The following MTHFD1L variants were observed in gnomAD, a reference collection of about 807,000 sequenced individuals.
The protein encoded by MTHFD1L is methylenetetrahydrofolate dehydrogenase (NADP+ dependent) 1 like, also known as monofunctional C1-tetrahydrofolate synthase, mitochondrial.
MTHFD1L carries 81 observed loss-of-function variants against 119.5 expected under a neutral mutation model. The observed-to-expected ratio is 0.68, with a 90% CI of 0.57 to 0.82. The LOEUF (loss-of-function observed/expected upper bound fraction) is 0.82. Among genes scored for constraint, MTHFD1L ranks in the 40% least tolerant of loss-of-function variants. MTHFD1L has a pLI of 0.00. For missense variants in MTHFD1L, 1,125 were observed against 1,253.4 expected, an observed-to-expected ratio of 0.90 and a Z score of 1.55; for synonymous variants, 430 against 475.2, an observed-to-expected ratio of 0.90 and a Z score of 1.24.
chr6:151,023,861 C>T (rs1192863873), intron 24 of MTHFD1L, among the ~76,000 whole-genome samples: 2 of 152,198 alleles, frequency 1.3e-5, no homozygotes, highest in Non-Finnish European at 2.9e-5. Flanking sequence ...CACTCCATCC[C>T]TCCCCAGGCT....
At chr6:150,883,735 G>A (rs774043803) in intron 5 of MTHFD1L, among the ~76,000 whole-genome samples, 24 of 152,292 alleles carry the variant, frequency 1.6e-4, no homozygotes, top group Middle Eastern at 3.4e-3. Flanking sequence ...GATACCGGCC[G>A]TCTCCAGTGG....
chr6:150,971,211 AT>A (rs35370237), intron 19 of MTHFD1L, among the ~76,000 whole-genome samples: 1 of 151,616 alleles, frequency 6.6e-6, no homozygotes, highest in Non-Finnish European at 1.5e-5. Context: ...TATTTTTTTC[AT>A]TTTTGAGTCA....
chr6:151,059,765 C>G (rs1189649277), intron 26 of MTHFD1L, among the ~76,000 whole-genome samples: 1 of 152,192 alleles, frequency 6.6e-6, no homozygotes, highest in Admixed American at 6.5e-5. Context: ...TGGCTGTGCT[C>G]TCTGCACGGT....
At chr6:150,966,963 G>T (rs879294673) in intron 19 of MTHFD1L, among the ~76,000 whole-genome samples, 1 of 152,218 alleles carries the variant, frequency 6.6e-6, no homozygotes, top group Non-Finnish European at 1.5e-5. Context: ...CGGGGGAGGG[G>T]TGCAGGATGC....
chr6:150,895,703 T>C (rs184490899), intron 7 of MTHFD1L, among the ~76,000 whole-genome samples: 1 of 151,948 alleles, frequency 6.6e-6, no homozygotes, highest in Admixed American at 6.6e-5. Context: ...TGAAAGACTT[T>C]TAAAAGTGAA....
intron 26 of MTHFD1L, among the ~76,000 whole-genome samples, chr6:151,079,907 G>T (rs1024884669): frequency 1.3e-5 from 2 of 149,704 alleles, no homozygotes; most frequent in Non-Finnish European, 3.0e-5. Context: ...AGGCGTGGTG[G>T]CTCACACCTG....
At chr6:151,004,430 C>G (rs1198170554) in intron 20 of MTHFD1L, among the ~76,000 whole-genome samples, 2 of 152,166 alleles carry the variant, frequency 1.3e-5, no homozygotes, top group Non-Finnish European at 2.9e-5. Context: ...AATCGTCTCT[C>G]CCTCCCTGAA....
intron 26 of MTHFD1L, among the ~76,000 whole-genome samples, chr6:151,045,112 G>C (rs114395200): frequency 6.6e-6 from 1 of 152,166 alleles, no homozygotes; most frequent in Non-Finnish European, 1.5e-5. Flanking sequence ...AGGGATGCAC[G>C]GTTGGTTATA....
intron 19 of MTHFD1L, among the ~76,000 whole-genome samples, chr6:150,966,826 T>TA (rs1797280789): frequency 6.6e-6 from 1 of 151,914 alleles, no homozygotes; most frequent in African/African-American, 2.4e-5. Flanking sequence ...TCTTATCTTT[T>TA]AAAAAAAGGG....
At chr6:151,017,669 G>A (rs1330977332) in intron 24 of MTHFD1L, among the ~76,000 whole-genome samples, 1 of 151,550 alleles carries the variant, frequency 6.6e-6, no homozygotes, top group African/African-American at 2.4e-5. Context: ...TTTTCGGGCT[G>A]AATACGCTCC....
At chr6:151,037,338 G>A in intron 26 of MTHFD1L, among the ~76,000 whole-genome samples, 1 of 152,166 alleles carries the variant, frequency 6.6e-6, no homozygotes. Context: ...GGTCCTTAGA[G>A]TCATAATACT....
chr6:151,042,856 AT>A (rs1417456692), intron 26 of MTHFD1L, among the ~76,000 whole-genome samples: 2 of 152,222 alleles, frequency 1.3e-5, no homozygotes, highest in African/African-American at 2.4e-5. Context: ...CATTGGGCGT[AT>A]ATCACTTTTA....
intron 7 of MTHFD1L, among the ~76,000 whole-genome samples, chr6:150,894,518 T>C (rs1783894312): frequency 1.3e-5 from 2 of 152,150 alleles, no homozygotes; most frequent in South Asian, 4.2e-4. Context: ...CTTCCAGTCC[T>C]CAGTAGATTA....
At chr6:150,912,078 A>G (rs775100812) in intron 8 of MTHFD1L, among the ~76,000 whole-genome samples, 25 of 152,274 alleles carry the variant, frequency 1.6e-4, no homozygotes, top group Admixed American at 1.2e-3. Context: ...TCATGAGAAC[A>G]GCACCAATGG....
At chr6:151,048,755 T>A (rs1461389903) in intron 26 of MTHFD1L, among the ~76,000 whole-genome samples, 2 of 152,234 alleles carry the variant, frequency 1.3e-5, no homozygotes, top group Non-Finnish European at 2.9e-5. Context: ...ATTCATGTGC[T>A]TAGATATGGA....
chr6:151,038,421 G>T (rs1786536397), intron 26 of MTHFD1L, among the ~76,000 whole-genome samples: 1 of 151,946 alleles, frequency 6.6e-6, no homozygotes, highest in African/African-American at 2.4e-5. Context: ...AGGGGGGGTG[G>T]CTGGGGATGG....
chr6:151,064,398 C>T (rs1316848840), intron 26 of MTHFD1L, among the ~76,000 whole-genome samples: 4 of 151,910 alleles, frequency 2.6e-5, no homozygotes, highest in Non-Finnish European at 1.5e-5. Flanking sequence ...TTGCAACCTC[C>T]GCCCCCCCGG....
chr6:150,888,888 T>C (rs1029079947), intron 7 of MTHFD1L, among the ~76,000 whole-genome samples: 1 of 152,164 alleles, frequency 6.6e-6, no homozygotes, highest in Non-Finnish European at 1.5e-5. Flanking sequence ...AGATTAACTA[T>C]TAAAGGCCGG....
intron 7 of MTHFD1L, among the ~76,000 whole-genome samples, chr6:150,904,965 AT>A (rs1218038691): frequency 6.7e-6 from 1 of 149,370 alleles, no homozygotes; most frequent in Non-Finnish European, 1.5e-5. Flanking sequence ...TCTCATTGTG[AT>A]GGTGCCATTA....
Sources: gnomAD v4.1 joint callset for allele counts (sites outside exome capture counted in the v4.1 genomes callset) on GRCh38, gnomAD v4.1.1 for gene constraint, MANE v1.5 for transcripts, NCBI Gene and HGNC (gene_info 2026-07-23, HGNC 2026-07-21) for gene names.